UVRAG: variants seen among roughly 807,000 people sequenced by gnomAD.
UVRAG encodes UV radiation resistance-associated gene protein.
Under a neutral mutation model 78.0 loss-of-function variants are expected in UVRAG, and 19 were observed. That is an observed-to-expected ratio of 0.24 (90% CI 0.17 to 0.36). UVRAG has a LOEUF of 0.36. UVRAG is among the 10% of genes least tolerant of loss of function. The probability of loss-of-function intolerance (pLI) is 1.00; values close to 1 mark genes in which losing one functional copy is unlikely to be tolerated. For missense variants in UVRAG, 740 were observed against 853.8 expected (o/e 0.87, Z 1.66); for synonymous variants, 323 against 324.6 (o/e 1.00, Z 0.05).
At chr11:76,089,835 A>G (rs1259988462) in intron 13 of UVRAG, among the ~76,000 whole-genome samples, 5 of 152,108 alleles carry the variant, frequency 3.3e-5, no homozygotes, top group African/African-American at 1.2e-4. Flanking sequence ...ACACATTCAT[A>G]TCCCCTTTCT....
chr11:75,894,647 G>A (rs940918646), intron 5 of UVRAG, among the ~76,000 whole-genome samples: 8 of 151,680 alleles, frequency 5.3e-5, no homozygotes, highest in African/African-American at 1.5e-4. Flanking sequence ...CAAGTGATCC[G>A]TCCTCCTCAG....
intron 12 of UVRAG, among the ~76,000 whole-genome samples, chr11:76,039,982 GCA>G (rs1457415475): frequency 6.6e-6 from 1 of 152,132 alleles, no homozygotes; most frequent in Admixed American, 6.5e-5. Flanking sequence ...ATAAATGGAT[GCA>G]CACACATATA....
At chr11:75,818,752 C>T (rs1458793926) in intron 1 of UVRAG, among the ~76,000 whole-genome samples, 1 of 152,206 alleles carries the variant, frequency 6.6e-6, no homozygotes, top group African/African-American at 2.4e-5. Context: ...GCTAGAATTA[C>T]AAGTGTGAGC....
At chr11:75,984,642 A>T (rs1470598219) in intron 8 of UVRAG, among the ~76,000 whole-genome samples, 1 of 152,148 alleles carries the variant, frequency 6.6e-6, no homozygotes, top group Non-Finnish European at 1.5e-5. Flanking sequence ...AAGCCTCCTC[A>T]CGCTTCCTTC....
chr11:75,939,966 AC>A (rs1948450740), intron 6 of UVRAG, among the ~76,000 whole-genome samples: 1 of 152,198 alleles, frequency 6.6e-6, no homozygotes, highest in Non-Finnish European at 1.5e-5. Flanking sequence ...CAATCCTGAA[AC>A]ACTATACCAA....
intron 5 of UVRAG, among the ~76,000 whole-genome samples, chr11:75,905,257 G>C (rs1947590203): frequency 6.6e-6 from 1 of 151,982 alleles, no homozygotes; most frequent in South Asian, 2.1e-4. Flanking sequence ...AAAATGTATT[G>C]ATTATTTCTT....
intron 3 of UVRAG, among the ~76,000 whole-genome samples, chr11:75,868,051 C>T (rs1946572723): frequency 6.6e-6 from 1 of 152,148 alleles, no homozygotes; most frequent in African/African-American, 2.4e-5. Context: ...AAAAAATACG[C>T]ACGTTAGAAC....
chr11:75,942,872 T>C (rs886886098), intron 6 of UVRAG, among the ~76,000 whole-genome samples: 1 of 152,104 alleles, frequency 6.6e-6, no homozygotes, highest in Non-Finnish European at 1.5e-5. Flanking sequence ...TTTGTATCCT[T>C]AGTTTATGAG....
chr11:75,991,710 T>C (rs1341008703), intron 8 of UVRAG, among the ~76,000 whole-genome samples: 1 of 152,132 alleles, frequency 6.6e-6, no homozygotes, highest in Non-Finnish European at 1.5e-5. Flanking sequence ...GTATATATTA[T>C]TCTAGAATAT....
intron 13 of UVRAG, among the ~76,000 whole-genome samples, chr11:76,110,704 C>A (rs888510861): frequency 6.6e-5 from 10 of 152,040 alleles, no homozygotes; most frequent in Non-Finnish European, 1.3e-4. Flanking sequence ...ATAGATAAGA[C>A]ATGAGATATA....
chr11:75,933,682 G>A (rs1322520409), intron 6 of UVRAG, among the ~76,000 whole-genome samples: 3 of 152,206 alleles, frequency 2.0e-5, no homozygotes, highest in Non-Finnish European at 4.4e-5. Flanking sequence ...GATTTAAAAA[G>A]AGCATAAGAT....
rs111720790 is a variant in UVRAG, at chr11:75,827,086, A to G, written c.117+11562A>G. On this transcript the variant is annotated intron_variant, in intron 1 of 14. Coordinates refer to ENST00000356136, the MANE Select transcript of UVRAG (RefSeq NM_003369.4). Reference sequence around the variant, plus strand: ...CACCAGGAAGCTGAAACTAGCAGCAACCTTTGGCTTTTGTCAGTAGACTCC... The same window carrying G: ...CACCAGGAAGCTGAAACTAGCAGCAGCCTTTGGCTTTTGTCAGTAGACTCC... Among the ~76,000 whole-genome samples the G allele has an allele frequency of 5.8e-3, 890 of 152,302 alleles. 10 individuals carry two copies. Among genetic ancestry groups the G allele is most frequent in the African/African-American group, 0.02 (845 of 41,550 alleles).
At chr11:75,888,409 G>T (rs1947140929) in intron 4 of UVRAG, among the ~76,000 whole-genome samples, 1 of 152,160 alleles carries the variant, frequency 6.6e-6, no homozygotes, top group Admixed American at 6.5e-5. Flanking sequence ...CTCCCAAAGT[G>T]CTGGGAATAT....
chr11:75,876,653 G>A (rs982877063), intron 3 of UVRAG, among the ~76,000 whole-genome samples: 1 of 150,780 alleles, frequency 6.6e-6, no homozygotes, highest in Non-Finnish European at 1.5e-5. Context: ...TGTTATTTGT[G>A]GTAGTATTTC....
rs575240259 is a variant in UVRAG at position 75,872,366 on chromosome 11, G to A, written c.271-7513G>A. 9.6e-4 allele frequency among the ~76,000 whole-genome samples: 142 copies of A among 147,690 alleles called. 2 individuals are homozygous for A. The East Asian group carries it at 0.024, about 25-fold the overall frequency. ...CAGTCCCCACAACATGGCCTTCCTC[G>A]TATACAAAAGTGATCTAATGCTGCC... On this transcript the variant is annotated intron_variant, in intron 3 of 14. Transcript: ENST00000356136.
intron 5 of UVRAG, among the ~76,000 whole-genome samples, chr11:75,894,028 T>C (rs1947283538): frequency 6.6e-6 from 1 of 152,188 alleles, no homozygotes; most frequent in Non-Finnish European, 1.5e-5. Context: ...TAGAAGATGA[T>C]ACCAAAGGGA....
intron 12 of UVRAG, among the ~76,000 whole-genome samples, chr11:76,041,560 C>T (rs1034740871): frequency 6.6e-6 from 1 of 152,226 alleles, no homozygotes; most frequent in African/African-American, 2.4e-5. Context: ...ATTACTGTGT[C>T]TAACACCATG....
chr11:75,835,854 G>A (rs898611913), intron 1 of UVRAG, among the ~76,000 whole-genome samples: 1 of 152,168 alleles, frequency 6.6e-6, no homozygotes, highest in African/African-American at 2.4e-5. Context: ...AGCACTTTGG[G>A]AGGCGGTGGT....
intron 12 of UVRAG, among the ~76,000 whole-genome samples, chr11:76,032,677 A>C (rs1950457725): frequency 6.6e-6 from 1 of 152,228 alleles, no homozygotes; most frequent in African/African-American, 2.4e-5. Context: ...GCAGGTAGTC[A>C]GCAGAGGCAT....
Sources: allele counts gnomAD v4.1 joint callset (sites outside exome capture counted in the v4.1 genomes callset), GRCh38; gene constraint gnomAD v4.1.1; transcripts MANE v1.5; gene names NCBI Gene and HGNC (gene_info 2026-07-23, HGNC 2026-07-21).